The following ASB18 variants were observed in gnomAD, a reference collection of about 807,000 sequenced individuals.
ASB18 encodes ankyrin repeat and SOCS box containing 18, also known as ankyrin repeat and SOCS box protein 18.
ASB18 carries 33 observed loss-of-function variants against 33.4 expected under a neutral mutation model. That is an observed-to-expected ratio of 0.99 (90% CI 0.75 to 1.32). The LOEUF (loss-of-function observed/expected upper bound fraction) is 1.32. Ranked by LOEUF, ASB18 falls within the 40% of genes most tolerant of loss-of-function variation. The pLI, the probability that ASB18 is intolerant of heterozygous loss-of-function variation, is 0.00. For synonymous variants in ASB18, 295 were observed against 307.6 expected (o/e 0.96, Z 0.43); for missense variants, 694 against 655.5 (o/e 1.06, Z -0.64).
chr2:236,238,966 G>A lies in ASB18; in HGVS notation c.329-1010C>T, dbSNP rs751945317. ...CCGCATGTGGTGCCGAGTTCCAGCC[G>A]CCCTGAGTCCCCAAGGCCCAGCCTG... On this transcript the variant is annotated intron_variant, in intron 2 of 5. Transcript: ENST00000409749. The surrounding 1 kb of genome is among the most constrained non-coding windows in gnomAD (Gnocchi z 5.2). 1.3e-5 allele frequency among the ~76,000 whole-genome samples: 2 copies of A among 152,062 alleles called. No individual in the cohort carries two copies. Among genetic ancestry groups the A allele is most frequent in the East Asian group, 3.9e-4 (2 of 5,178 alleles).
Position 236,214,916 on chromosome 2 carries a change from C to T in ASB18, c.597-50G>A, listed in dbSNP as rs1474349815. The T allele has an allele frequency of 5.8e-6, 7 of 1,197,570 alleles. No homozygotes were observed. Among genetic ancestry groups the T allele is most frequent in the Non-Finnish European group, 7.3e-6 (7 of 965,250 alleles). The allele number at this position is 1,197,570 out of a possible 1,614,324, so 74.2% of individuals were successfully genotyped here. On this transcript the variant is annotated intron_variant, in intron 3 of 5. Coordinates refer to ENST00000409749, the MANE Select transcript of ASB18 (RefSeq NM_212556.4). The surrounding 1 kb of genome is among the most constrained non-coding windows in gnomAD (Gnocchi z 6.5). Reference sequence around the variant, plus strand: ...TCGGGCGCCACGCAGGACGCCCGCACCCTTCCACCCCCGGCCTGCTGCTGC... The same window carrying T: ...TCGGGCGCCACGCAGGACGCCCGCATCCTTCCACCCCCGGCCTGCTGCTGC...
intron 3 of ASB18, among the ~76,000 whole-genome samples, chr2:236,227,717 CTT>C (rs1266335005): frequency 6.6e-6 from 1 of 152,138 alleles, no homozygotes; most frequent in African/African-American, 2.4e-5. Flanking sequence ...TGTAGAAAGA[CTT>C]TTGCAATTGA....
rs1281847604 is a variant in ASB18 at position 236,237,488 on chromosome 2, G to A, written c.596+201C>T. ...GTCCCGGGTCAGGGATCTTGGATCTGGGTCCCGAGGCAGGGGCCGGGGTAG... is the reference window on the plus strand; with the variant it reads ...GTCCCGGGTCAGGGATCTTGGATCTAGGTCCCGAGGCAGGGGCCGGGGTAG... On this transcript the variant is annotated intron_variant, in intron 3 of 5. Transcript: ENST00000409749. This position sits in a 1 kb window ranked among gnomAD's most constrained non-coding sequence, Gnocchi z 6.2. Among the ~76,000 whole-genome samples the A allele has an allele frequency of 6.6e-6, 1 of 150,534 alleles. No homozygotes were observed. The highest frequency in any genetic ancestry group is 2.4e-5 in the African/African-American group (1 of 41,288).
chr2:236,232,274 A>AG (rs2060569658), intron 3 of ASB18, among the ~76,000 whole-genome samples: 1 of 150,940 alleles, frequency 6.6e-6, no homozygotes, highest in Non-Finnish European at 1.5e-5. Context: ...AAAAAAAAAA[A>AG]GAAAATTAGA....
In ASB18 at chr2:236,237,362, GGGGGC is replaced by G. The variant is rs1311354496; in HGVS notation, c.596+322_596+326del. Among the ~76,000 whole-genome samples the G allele has an allele frequency of 5.1e-5, 5 of 97,610 alleles. No homozygotes were observed. Among genetic ancestry groups the G allele is most frequent in the African/African-American group, 1.8e-4 (5 of 27,874 alleles). 64.0% of individuals were successfully genotyped at this position (97,610 alleles called of 152,430 possible). A position where few individuals can be genotyped will look rare whatever the true frequency, so the allele number is the denominator to read the frequency against. ...GGGGGCCGGGGCCGGGGCGCGGGGC[GGGGGC>G]CGGGGCCGGGGCGCGGGGCGGGGGC... On this transcript the variant is annotated intron_variant, in intron 3 of 5. Transcript: ENST00000409749. This position sits in a 1 kb window ranked among gnomAD's most constrained non-coding sequence, Gnocchi z 6.2.
chr2:236,257,755 T>C lies in ASB18; in HGVS notation c.205+6386A>G, dbSNP rs1463001729. Among the ~76,000 whole-genome samples the C allele has an allele frequency of 6.6e-6, 1 of 152,194 alleles. No individual in the cohort carries two copies. Among genetic ancestry groups the C allele is most frequent in the African/African-American group, 2.4e-5 (1 of 41,458 alleles). ...GCAAGTGAACACAGGTGAGCAGCAG[T>C]GTTCCGGTCTGTAGAACGCAGCTGT... On this transcript the variant is annotated intron_variant, in intron 1 of 5. Coordinates refer to ENST00000409749, the MANE Select transcript of ASB18 (RefSeq NM_212556.4). The surrounding 1 kb of genome is among the most constrained non-coding windows in gnomAD (Gnocchi z 5.5).
In ASB18 at chr2:236,196,417, G is replaced by A; in HGVS notation, c.1102-32C>T. 1 of 1,288,616 alleles carries A rather than the reference G, an allele frequency of 7.8e-7. No individual in the cohort carries two copies. Among genetic ancestry groups the A allele is most frequent in the South Asian group, 1.3e-5 (1 of 78,854 alleles). 79.8% of individuals were successfully genotyped at this position (1,288,616 alleles called of 1,614,324 possible). A position where few individuals can be genotyped will look rare whatever the true frequency, so the allele number is the denominator to read the frequency against. On this transcript the variant is annotated intron_variant, in intron 4 of 5. Transcript: ENST00000409749. This position sits in a 1 kb window ranked among gnomAD's most constrained non-coding sequence, Gnocchi z 5.6. The stretch of plus-strand genomic sequence containing the variant: ...GGAAGAGGTGAAAGACGCAGCGTAG[G>A]CCGACTGGGTTCTGGGTCTCAGTGG...
At position 236,220,344 on chromosome 2, in the gene ASB18, C is replaced by T. The variant is rs561365507; in HGVS notation, c.597-5478G>A. On this transcript the variant is annotated intron_variant, in intron 3 of 5. Coordinates refer to ENST00000409749, the MANE Select transcript of ASB18 (RefSeq NM_212556.4). This position sits in a 1 kb window ranked among gnomAD's most constrained non-coding sequence, Gnocchi z 5.1. ...TTTACCCACCTGTCTCACCCACCTG[C>T]TCCCACCTGTCTCAGCTGCCTGCCA... Among the ~76,000 whole-genome samples the T allele has an allele frequency of 6.6e-6, 1 of 152,300 alleles. No homozygotes were observed. Among genetic ancestry groups the T allele is most frequent in the African/African-American group, 2.4e-5 (1 of 41,572 alleles).
rs2060520910 is a variant in ASB18 at position 236,223,240 on chromosome 2, GAATGGCCT to G, written c.597-8382_597-8375del. Among the ~76,000 whole-genome samples the G allele has an allele frequency of 6.6e-6, 1 of 152,182 alleles. No homozygotes were observed. Among genetic ancestry groups the G allele is most frequent in the Admixed American group, 6.5e-5 (1 of 15,282 alleles). On this transcript the variant is annotated intron_variant, in intron 3 of 5. Coordinates refer to ENST00000409749, the MANE Select transcript of ASB18 (RefSeq NM_212556.4). The surrounding 1 kb of genome is among the most constrained non-coding windows in gnomAD (Gnocchi z 4.6). ...CAAGTATTTCTTTATAGCAGTGCAA[GAATGGCCT>G]AATACACTTCACATGCCCACTAAGC...
chr2:236,246,928 G>A (rs921628968), intron 1 of ASB18, among the ~76,000 whole-genome samples: 4 of 152,156 alleles, frequency 2.6e-5, no homozygotes, highest in East Asian at 1.9e-4. Flanking sequence ...TCACTTTAAC[G>A]AATTTCCTGA....
At chr2:236,206,744 G>A (rs1405217345) in intron 4 of ASB18, among the ~76,000 whole-genome samples, 4 of 152,234 alleles carry the variant, frequency 2.6e-5, no homozygotes, top group Non-Finnish European at 4.4e-5. Flanking sequence ...AATTGGTTAC[G>A]TAGGTAATCA....
rs1236029792 is a variant in ASB18, at chr2:236,259,941, T to C, written c.205+4200A>G. ...TGAGGGACTTCTCCAGAAAAAGCCC[T>C]TTCCACCATTGGATGCCACTTTTTC... is the stretch of plus-strand genomic sequence containing the variant. On this transcript the variant is annotated intron_variant, in intron 1 of 5. Coordinates refer to ENST00000409749, the MANE Select transcript of ASB18 (RefSeq NM_212556.4). This position sits in a 1 kb window ranked among gnomAD's most constrained non-coding sequence, Gnocchi z 4.4. Among the ~76,000 whole-genome samples the C allele has an allele frequency of 6.6e-6, 1 of 152,216 alleles. No homozygotes were observed. The highest frequency in any genetic ancestry group is 1.5e-5 in the Non-Finnish European group (1 of 68,036).
At chr2:236,202,187 G>A (rs2060406333) in intron 4 of ASB18, among the ~76,000 whole-genome samples, 1 of 152,064 alleles carries the variant, frequency 6.6e-6, no homozygotes. Flanking sequence ...CTGATCTCAG[G>A]TCATCCACCC....
Position 236,237,387 on chromosome 2 carries a change from G to GC in ASB18, c.596+301_596+302insG, listed in dbSNP as rs2060598488. On this transcript the variant is annotated intron_variant, in intron 3 of 5. Coordinates refer to ENST00000409749, the MANE Select transcript of ASB18 (RefSeq NM_212556.4). The surrounding 1 kb of genome is among the most constrained non-coding windows in gnomAD (Gnocchi z 6.2). ...GGGGGCCGGGGCCGGGGCGCGGGGC[G>GC]GGGGCCGGGGCCGGGGCGCGGGGCG... 1.3e-5 allele frequency among the ~76,000 whole-genome samples: 1 copy of GC among 75,986 alleles called. No individual in the cohort carries two copies. Among genetic ancestry groups the GC allele is most frequent in the Non-Finnish European group, 2.5e-5 (1 of 39,264 alleles). The allele number at this position is 75,986 out of a possible 152,430, so 49.8% of individuals were successfully genotyped here.
rs2060537594 is a variant in ASB18, at chr2:236,226,290, G to C, written c.596+11399C>G. The stretch of plus-strand genomic sequence containing the variant: ...TCTAAGTCAGCTGTTACAGAGTTCT[G>C]CCTGAAATGCTGGTTGATTCATCAC... On this transcript the variant is annotated intron_variant, in intron 3 of 5. Transcript: ENST00000409749. The surrounding 1 kb of genome is among the most constrained non-coding windows in gnomAD (Gnocchi z 4.8). Among the ~76,000 whole-genome samples, 2 of 152,100 alleles carry C rather than the reference G, an allele frequency of 1.3e-5. No homozygotes were observed. Among genetic ancestry groups the C allele is most frequent in the African/African-American group, 4.8e-5 (2 of 41,420 alleles).
In ASB18 at chr2:236,204,154, T is replaced by C. The variant is rs7561555; in HGVS notation, c.1102-7769A>G. 0.44 allele frequency among the ~76,000 whole-genome samples: 66,140 copies of C among 151,894 alleles called. 17,317 individuals carry two copies. The highest frequency in any genetic ancestry group is 0.75 in the African/African-American group (30,899 of 41,402). ...ATCTCTTTGTCAGCTGGAGTACATC[T>C]ACCTCAATGGGCCATTAGCCCCAGC... On this transcript the variant is annotated intron_variant, in intron 4 of 5. Coordinates refer to ENST00000409749, the MANE Select transcript of ASB18 (RefSeq NM_212556.4). The surrounding 1 kb of genome is among the most constrained non-coding windows in gnomAD (Gnocchi z 5.1).
In ASB18 at chr2:236,251,541, T is replaced by A. The variant is rs2060669071; in HGVS notation, c.206-10139A>T. On this transcript the variant is annotated intron_variant, in intron 1 of 5. Transcript: ENST00000409749. This position sits in a 1 kb window ranked among gnomAD's most constrained non-coding sequence, Gnocchi z 5.3. ...TTTGATTGTTCTGCCCTGTGATCCTTTATATCCCTTCTAGAAACGAGAAGT... is the reference window on the plus strand; with the variant it reads ...TTTGATTGTTCTGCCCTGTGATCCTATATATCCCTTCTAGAAACGAGAAGT... Among the ~76,000 whole-genome samples, 1 of 152,178 alleles carries A rather than the reference T, an allele frequency of 6.6e-6. No individual in the cohort carries two copies. Among genetic ancestry groups the A allele is most frequent in the Non-Finnish European group, 1.5e-5 (1 of 68,034 alleles).
In ASB18 at chr2:236,205,273, G is replaced by A. The variant is rs918973258; in HGVS notation, c.1102-8888C>T. 1.3e-5 allele frequency among the ~76,000 whole-genome samples: 2 copies of A among 152,030 alleles called. No individual in the cohort carries two copies. The highest frequency in any genetic ancestry group is 4.8e-5 in the African/African-American group (2 of 41,400). On this transcript the variant is annotated intron_variant, in intron 4 of 5. Transcript: ENST00000409749. This position sits in a 1 kb window ranked among gnomAD's most constrained non-coding sequence, Gnocchi z 5.4. Reference sequence around the variant, plus strand: ...CTCATCTCCTACTCCCATCCCACTAGCTCCTTCCATCTCCGGCCACACTGG... The same window carrying A: ...CTCATCTCCTACTCCCATCCCACTAACTCCTTCCATCTCCGGCCACACTGG...
chr2:236,214,639 A>G lies in ASB18; in HGVS notation c.824T>C (p.Leu275Pro). 4 of 1,168,766 alleles carry G rather than the reference A, an allele frequency of 3.4e-6. No individual in the cohort carries two copies. Among genetic ancestry groups the G allele is most frequent in the Non-Finnish European group, 4.2e-6 (4 of 949,096 alleles). The allele number at this position is 1,168,766 out of a possible 1,614,324, so 72.4% of individuals were successfully genotyped here. The part of the protein sequence containing the change: ...RPDEHGRCLR[L>P]CALLLRRGAE... ...CCCGCGCCGCAGCAGCAGCGCGCAC[A>G]GGCGCAGGCAGCGCCCGTGCTCGTC... Residue 275 changes from leucine to proline, a missense_variant, in exon 4 of 6, where the codon CTG becomes CCG. Physicochemically the swap from Leu to Pro is moderately conservative, Grantham distance 98 (BLOSUM62 -3). Transcript: ENST00000409749. The surrounding 1 kb of genome is among the most constrained non-coding windows in gnomAD (Gnocchi z 6.5).
Sources: allele counts gnomAD v4.1 joint callset (sites outside exome capture counted in the v4.1 genomes callset), GRCh38; gene constraint gnomAD v4.1.1; non-coding constraint Gnocchi (gnomAD v3.1); transcripts MANE v1.5; gene names NCBI Gene and HGNC (gene_info 2026-07-23, HGNC 2026-07-21).